WLS: variants seen among roughly 807,000 people sequenced by gnomAD.
WLS encodes the protein protein wntless homolog.
Under a neutral mutation model 62.8 loss-of-function variants are expected in WLS, and 23 were observed. The ratio of observed to expected loss-of-function variants is 0.37; its 90% CI spans 0.26 to 0.52. The LOEUF (loss-of-function observed/expected upper bound fraction) is 0.52. Among genes scored for constraint, WLS ranks in the 20% least tolerant of loss-of-function variants. The pLI is 0.92. For synonymous variants in WLS, 246 were observed against 244.1 expected (o/e 1.01, Z -0.07); for missense variants, 615 against 697.3 (o/e 0.88, Z 1.33).
At chr1:68,163,179 G>A (rs1416071762) in intron 2 of WLS, 4 of 792,240 alleles carry the variant, frequency 5.0e-6, no homozygotes, top group Non-Finnish European at 8.4e-6. Flanking sequence ...CGTGCATGAC[G>A]CCACTATGAA....
At chr1:68,112,512 T>A (rs893526574) in intron 11 of WLS, among the ~76,000 whole-genome samples, 2 of 152,196 alleles carry the variant, frequency 1.3e-5, no homozygotes, top group Non-Finnish European at 2.9e-5. Context: ...CACCCCAGAC[T>A]CTCTGCTAAA....
chr1:68,102,030 T>C (rs1646085297), intron 11 of WLS, among the ~76,000 whole-genome samples: 1 of 152,190 alleles, frequency 6.6e-6, no homozygotes, highest in African/African-American at 2.4e-5. Context: ...TGCTGGGAGC[T>C]GCAGACTCTG....
At chr1:68,170,160 C>CTTTTTTTTT (rs571306573) in intron 2 of WLS, among the ~76,000 whole-genome samples, 5 of 86,778 alleles carry the variant, frequency 5.8e-5, no homozygotes, top group African/African-American at 1.3e-4. Flanking sequence ...GCTACTATTT[C>CTTTTTTTTT]TTTTTTTTTT....
At position 68,146,016 on chromosome 1, in the gene WLS, G is replaced by A. The variant is rs754978698; in HGVS notation, c.1135-4C>T. On this transcript the variant is annotated splice_region_variant and splice_polypyrimidine_tract_variant and intron_variant, in intron 8 of 11. Coordinates refer to ENST00000262348, the MANE Select transcript of WLS (RefSeq NM_024911.7). ...CAGCCACGATGATGAAGGCCATCTG[G>A]TCGTGTCCAGTAAAGGAAACAACGG... 6.1e-5 allele frequency: 98 copies of A among 1,613,748 alleles called. No homozygotes were observed. In the East Asian group the frequency reaches 2.1e-3, roughly 35 times the overall value.
intron 7 of WLS, 101 bp from the exon 8 acceptor site, chr1:68,148,300 G>T: frequency 7.9e-7 from 1 of 1,270,470 alleles, no homozygotes; most frequent in Non-Finnish European, 1.1e-6. Context: ...CAGGGGTGAG[G>T]GCTGTATTTA....
At chr1:68,199,192 T>A (rs1648852626) in intron 1 of WLS, among the ~76,000 whole-genome samples, 1 of 152,204 alleles carries the variant, frequency 6.6e-6, no homozygotes. Flanking sequence ...TTATGAGTAA[T>A]GAACATTTCT....
chr1:68,170,865 TC>T lies in WLS; in HGVS notation c.380-11619del, dbSNP rs565860143. Among the ~76,000 whole-genome samples the T allele has an allele frequency of 1.9e-3, 289 of 152,320 alleles. 1 individual carries two copies. Among genetic ancestry groups the T allele is most frequent in the African/African-American group, 6.6e-3 (276 of 41,562 alleles). On this transcript the variant is annotated intron_variant, in intron 2 of 11. Coordinates refer to ENST00000262348, the MANE Select transcript of WLS (RefSeq NM_024911.7). ...TCCTAAAAGCCAGGGACTGACTCAG[TC>T]TTGTTCACAGTTATATCACTCATGT...
At chr1:68,162,283 G>A in intron 2 of WLS, 1 of 1,601,050 alleles carries the variant, frequency 6.2e-7, no homozygotes, top group Non-Finnish European at 8.6e-7. Flanking sequence ...ACCACGGGGT[G>A]CGTTCACAAG....
At chr1:68,184,608 T>C (rs1036377041) in intron 2 of WLS, among the ~76,000 whole-genome samples, 1 of 152,218 alleles carries the variant, frequency 6.6e-6, no homozygotes, top group Non-Finnish European at 1.5e-5. Context: ...CTATTCATAC[T>C]CCATTTCCTA....
chr1:68,128,284 C>T (rs1342510651), intron 11 of WLS, among the ~76,000 whole-genome samples: 2 of 152,198 alleles, frequency 1.3e-5, no homozygotes, highest in African/African-American at 4.8e-5. Context: ...ACTCCCAGGC[C>T]AATAACTTGT....
Position 68,155,093 on chromosome 1 carries a change from A to T in WLS, c.666+6T>A, listed in dbSNP as rs1210395807. 1 of 1,612,894 alleles carries T rather than the reference A, an allele frequency of 6.2e-7. No homozygotes were observed. The highest frequency in any genetic ancestry group is 1.3e-5 in the African/African-American group (1 of 75,000). On this transcript the variant is annotated splice_donor_region_variant and intron_variant, in intron 4 of 11. Coordinates refer to ENST00000262348, the MANE Select transcript of WLS (RefSeq NM_024911.7). ...ACACATGTCAAGATCAATTACATTC[A>T]CTTACCACCAACCGGATATCCTTTA... is the stretch of plus-strand genomic sequence containing the variant.
At chr1:68,226,020 C>A (rs1650125105) in intron 1 of WLS, among the ~76,000 whole-genome samples, 1 of 152,188 alleles carries the variant, frequency 6.6e-6, no homozygotes, top group Non-Finnish European at 1.5e-5. Context: ...CTGGCACAGG[C>A]AAACTTCTCA....
At position 68,159,222 on chromosome 1, in the gene WLS, G is replaced by T. The variant is rs1159698998; in HGVS notation, c.405C>A (p.Asp135Glu). 1 of 1,613,918 alleles carries T rather than the reference G, an allele frequency of 6.2e-7. No individual in the cohort carries two copies. Among genetic ancestry groups the T allele is most frequent in the Admixed American group, 1.7e-5 (1 of 59,970 alleles). ...QIRENAEVSM[D>E]VSLAYRDDAF... ...CGTCATCACGGTAAGCCAGGGAAACGTCCATGGAGACTTCTGCATTTTCTC... is the reference window on the plus strand; with the variant it reads ...CGTCATCACGGTAAGCCAGGGAAACTTCCATGGAGACTTCTGCATTTTCTC... Residue 135 changes from aspartate (D) to glutamate (E), a missense_variant, in exon 3 of 12, where the codon GAC becomes GAA. Coordinates refer to ENST00000262348, the MANE Select transcript of WLS (RefSeq NM_024911.7).
Position 68,137,875 on chromosome 1 carries a change from A to G in WLS, c.1421T>C (p.Phe474Ser). Residue 474 changes from phenylalanine to serine, a missense_variant, in exon 11 of 12, where the codon TTC (phenylalanine) becomes TCC (serine). Physicochemically the swap from Phe to Ser is radical, Grantham distance 155 (BLOSUM62 -2). Coordinates refer to ENST00000262348, the MANE Select transcript of WLS (RefSeq NM_024911.7). ...GVTVQVNSAF[F>S]TGIYGMWNLY... ...ATTCCACATCCCATAGATGCCTGTG[A>G]AAAAGGCACTGTTCACTTGGACTGT... 1 of 1,614,000 alleles carries G rather than the reference A, an allele frequency of 6.2e-7. No homozygotes were observed. Among genetic ancestry groups the G allele is most frequent in the Non-Finnish European group, 8.5e-7 (1 of 1,179,896 alleles).
chr1:68,211,499 T>C (rs1424608026), intron 1 of WLS, among the ~76,000 whole-genome samples: 1 of 152,208 alleles, frequency 6.6e-6, no homozygotes, highest in Non-Finnish European at 1.5e-5. Flanking sequence ...CATTATTTTA[T>C]ACAACACCCA....
chr1:68,112,587 T>C (rs976150610), intron 11 of WLS, among the ~76,000 whole-genome samples: 4 of 152,224 alleles, frequency 2.6e-5, no homozygotes, highest in African/African-American at 9.6e-5. Context: ...ACTCTCATAC[T>C]CTTCCCTTAC....
At chr1:68,115,367 T>G (rs780331490) in intron 11 of WLS, among the ~76,000 whole-genome samples, 1 of 152,214 alleles carries the variant, frequency 6.6e-6, no homozygotes, top group Non-Finnish European at 1.5e-5. Context: ...TGCCCCTGCT[T>G]CTTGGGATGA....
At chr1:68,218,668 G>A (rs1649829167) in intron 1 of WLS, among the ~76,000 whole-genome samples, 1 of 151,986 alleles carries the variant, frequency 6.6e-6, no homozygotes, top group Non-Finnish European at 1.5e-5. Context: ...CCTCTGCCTG[G>A]CTCTACTTGC....
chr1:68,211,317 G>GA (rs34980541), intron 1 of WLS, among the ~76,000 whole-genome samples: 2,561 of 132,564 alleles, frequency 0.019, 38 homozygotes, highest in Non-Finnish European at 0.025. Context: ...CTTTGTAAAA[G>GA]AAAAAAAAAA....
Sources: allele counts gnomAD v4.1 joint callset (sites outside exome capture counted in the v4.1 genomes callset), GRCh38; gene constraint gnomAD v4.1.1; transcripts MANE v1.5; gene names NCBI Gene and HGNC (gene_info 2026-07-23, HGNC 2026-07-21).